RANBP2: variants seen among roughly 807,000 people sequenced by gnomAD.
The protein encoded by RANBP2 is E3 SUMO-protein ligase RanBP2.
A neutral mutation model predicts 303.6 loss-of-function variants in RANBP2; 57 were observed. The ratio of observed to expected loss-of-function variants is 0.19; its 90% CI spans 0.15 to 0.23. The LOEUF is 0.23. RANBP2 is among the 10% of genes least tolerant of loss of function. The pLI is 1.00. For synonymous variants in RANBP2, 1,167 were observed against 1,301.5 expected (o/e 0.90, Z 2.23); for missense variants, 3,138 against 3,780.8 (o/e 0.83, Z 4.46).
the RANBP2 span, among the ~76,000 whole-genome samples, chr2:109,086,139 T>A: frequency 6.6e-6 from 1 of 152,220 alleles, no homozygotes; most frequent in South Asian, 2.1e-4. Context: ...AATATTCCAT[T>A]GCAGGCATGT....
At chr2:109,404,425 A>G in the RANBP2 span, among the ~76,000 whole-genome samples, 4 of 152,182 alleles carry the variant, frequency 2.6e-5, no homozygotes, top group African/African-American at 9.7e-5. Context: ...GAAATGCTAC[A>G]AGTTCGAGAC....
chr2:109,379,482 G>A, the RANBP2 span, among the ~76,000 whole-genome samples: 1 of 152,220 alleles, frequency 6.6e-6, no homozygotes, highest in Admixed American at 6.5e-5. Context: ...GACAGATGTG[G>A]CCGCTGCTTC....
chr2:108,925,041 T>TTCTCACTCTACCTCCACGCATTCTCTCTC, the RANBP2 span, among the ~76,000 whole-genome samples: 1 of 152,192 alleles, frequency 6.6e-6, no homozygotes, highest in African/African-American at 2.4e-5. Flanking sequence ...CCTCCACCTT[T>TTCTCACTCTACCTCCACGCATTCTCTCTC]TCTCACTCTA....
chr2:109,320,994 C>G, the RANBP2 span, among the ~76,000 whole-genome samples: 1 of 152,188 alleles, frequency 6.6e-6, no homozygotes. Flanking sequence ...TGTAAGGCAT[C>G]TACATACCTA....
At chr2:108,762,062 T>G (rs555757226) in intron 18 of RANBP2, 39 bp from the exon 19 acceptor site, 174 of 1,596,420 alleles carry the variant, frequency 1.1e-4, no homozygotes, top group Non-Finnish European at 1.4e-4. Flanking sequence ...TAGTATAGAC[T>G]TTAACAGTGT....
chr2:109,608,621 A>G, the RANBP2 span, among the ~76,000 whole-genome samples: 1 of 152,222 alleles, frequency 6.6e-6, no homozygotes, highest in African/African-American at 2.4e-5. Context: ...TAATACCAAC[A>G]AAGTATAAGT....
At chr2:109,674,410 C>CAAAA in the RANBP2 span, among the ~76,000 whole-genome samples, 1,395 of 74,966 alleles carry the variant, frequency 0.019, 36 homozygotes, top group African/African-American at 0.057. Context: ...CTTGTGTCTC[C>CAAAA]AAAAAAAAAA....
the RANBP2 span, among the ~76,000 whole-genome samples, chr2:109,388,825 A>G: frequency 8.5e-5 from 10 of 117,214 alleles, no homozygotes; most frequent in African/African-American, 3.5e-4. Flanking sequence ...CTGGGATGTC[A>G]GAGAGAGACT....
At chr2:108,911,591 G>A in the RANBP2 span, among the ~76,000 whole-genome samples, 2 of 152,172 alleles carry the variant, frequency 1.3e-5, no homozygotes, top group African/African-American at 4.8e-5. Flanking sequence ...TATTCCACCT[G>A]CACTGCCGCC....
At chr2:109,147,910 T>C in the RANBP2 span, among the ~76,000 whole-genome samples, 1 of 152,226 alleles carries the variant, frequency 6.6e-6, no homozygotes, top group African/African-American at 2.4e-5. Flanking sequence ...TAGTTATTGA[T>C]TGGCAGTTCA....
chr2:109,078,118 A>AT, the RANBP2 span, among the ~76,000 whole-genome samples: 1 of 45,580 alleles, frequency 2.2e-5, no homozygotes, highest in Admixed American at 2.6e-4. Flanking sequence ...ATATATATAT[A>AT]GCGTGTATAT....
chr2:109,565,886 C>T, the RANBP2 span: 1 of 1,554,998 alleles, frequency 6.4e-7, no homozygotes, highest in Non-Finnish European at 8.9e-7. Context: ...AGCACATCTT[C>T]TCATACCACT....
chr2:108,848,097 AAAT>A, the RANBP2 span, among the ~76,000 whole-genome samples: 1 of 152,246 alleles, frequency 6.6e-6, no homozygotes. Context: ...ACTAAAGATC[AAAT>A]AATATTAGTA....
the RANBP2 span, among the ~76,000 whole-genome samples, chr2:109,630,860 G>T: frequency 6.6e-6 from 1 of 152,212 alleles, no homozygotes; most frequent in Non-Finnish European, 1.5e-5. Flanking sequence ...AAGGTCAGGA[G>T]TTCGAGACCA....
chr2:109,207,716 A>G, the RANBP2 span, among the ~76,000 whole-genome samples: 1,116 of 152,328 alleles, frequency 7.3e-3, 10 homozygotes, highest in South Asian at 0.024. Context: ...TTTGTATAGG[A>G]AGACTTACCT....
the RANBP2 span, among the ~76,000 whole-genome samples, chr2:109,338,647 TC>T: frequency 6.6e-6 from 1 of 152,152 alleles, no homozygotes; most frequent in Non-Finnish European, 1.5e-5. Context: ...AACCTCTGCC[TC>T]CCGAGTTCAG....
intron 2 of RANBP2, 70 bp downstream of exon 2, chr2:108,729,269 A>G (rs1183615334): frequency 2.6e-5 from 38 of 1,464,206 alleles, no homozygotes; most frequent in Non-Finnish European, 2.8e-5. Context: ...TCTTTGAAAT[A>G]GGTAAAAATA....
chr2:109,799,164 G>A, the RANBP2 span, among the ~76,000 whole-genome samples: 17 of 73,310 alleles, frequency 2.3e-4, no homozygotes, highest in East Asian at 3.7e-3. Context: ...GCTTGTACCC[G>A]GGACGCAGAG....
At chr2:108,954,964 G>A in the RANBP2 span, among the ~76,000 whole-genome samples, 30 of 152,168 alleles carry the variant, frequency 2.0e-4, 1 homozygote, top group Non-Finnish European at 2.1e-4. Context: ...GATTACATGC[G>A]TGAGCCACCA....
Sources: allele counts gnomAD v4.1 joint callset (sites outside exome capture counted in the v4.1 genomes callset), GRCh38; gene constraint gnomAD v4.1.1; transcripts MANE v1.5; gene names NCBI Gene and HGNC (gene_info 2026-07-23, HGNC 2026-07-21).